KCND2: variants seen among roughly 807,000 people sequenced by gnomAD.
KCND2 encodes the protein potassium voltage-gated channel subfamily D member 2.
A neutral mutation model predicts 54.4 loss-of-function variants in KCND2; 16 were observed. The ratio of observed to expected loss-of-function variants is 0.29; its 90% confidence interval spans 0.20 to 0.45. The LOEUF (loss-of-function observed/expected upper bound fraction) is 0.45, where lower values mean the gene tolerates loss of function less well. Ranked by LOEUF, KCND2 falls within the 20% of genes least tolerant of loss-of-function variation. KCND2 has a pLI of 1.00. For synonymous variants in KCND2, 317 were observed against 310.7 expected (o/e 1.02, Z -0.21); for missense variants, 486 against 824.2 (o/e 0.59, Z 5.02).
At chr7:120,310,666 G>A (rs1257712785) in intron 1 of KCND2, among the ~76,000 whole-genome samples, 1 of 152,062 alleles carries the variant, frequency 6.6e-6, no homozygotes, top group East Asian at 1.9e-4. Context: ...GGTTGTGGTG[G>A]CTCACGTGGT....
chr7:120,536,935 C>T (rs73437874), intron 1 of KCND2, among the ~76,000 whole-genome samples: 1,602 of 152,100 alleles, frequency 0.011, 32 homozygotes, highest in African/African-American at 0.037. Flanking sequence ...TCCAGATCAA[C>T]TTCTTTTAAA....
At chr7:120,452,868 C>T (rs539604020) in intron 1 of KCND2, among the ~76,000 whole-genome samples, 3 of 152,284 alleles carry the variant, frequency 2.0e-5, no homozygotes, top group Non-Finnish European at 2.9e-5. Flanking sequence ...TAGAGCAGGG[C>T]GGTCATGCCC....
intron 1 of KCND2, among the ~76,000 whole-genome samples, chr7:120,552,108 A>G (rs1164735469): frequency 6.6e-6 from 1 of 152,242 alleles, no homozygotes; most frequent in African/African-American, 2.4e-5. Flanking sequence ...TCTTATAAGA[A>G]TATGCAAATC....
At chr7:120,382,844 G>A (rs1461494853) in intron 1 of KCND2, among the ~76,000 whole-genome samples, 1 of 151,746 alleles carries the variant, frequency 6.6e-6, no homozygotes, top group Non-Finnish European at 1.5e-5. Flanking sequence ...GTTCTTAAGA[G>A]TATATTTTGG....
intron 1 of KCND2, among the ~76,000 whole-genome samples, chr7:120,527,535 A>G (rs1419114180): frequency 1.3e-5 from 2 of 152,168 alleles, no homozygotes; most frequent in African/African-American, 4.8e-5. Flanking sequence ...GCAGACAGAA[A>G]GAACTCAGTA....
In KCND2 at chr7:120,358,506, CT is replaced by C. The variant is rs376340328; in HGVS notation, c.1115+82768del. 1.1e-3 allele frequency among the ~76,000 whole-genome samples: 170 copies of C among 151,072 alleles called. 2 individuals are homozygous for C. In the Middle Eastern group the frequency reaches 0.031, roughly 27 times the overall value. On this transcript the variant is annotated intron_variant, in intron 1 of 5. Transcript: ENST00000331113. Reference sequence around the variant, plus strand: ...TTTAATGACTTCAATTTAAGGTTTCCTTTTTTTTTGTCTAATCAGTTTTCTT... The same window carrying C: ...TTTAATGACTTCAATTTAAGGTTTCCTTTTTTTTGTCTAATCAGTTTTCTT...
intron 1 of KCND2, among the ~76,000 whole-genome samples, chr7:120,359,510 C>T (rs1458266314): frequency 6.6e-6 from 1 of 152,118 alleles, no homozygotes; most frequent in Non-Finnish European, 1.5e-5. Context: ...GAAAAAATCT[C>T]ATGTTACATC....
chr7:120,347,602 A>G (rs1296772829), intron 1 of KCND2, among the ~76,000 whole-genome samples: 1 of 152,012 alleles, frequency 6.6e-6, no homozygotes, highest in Non-Finnish European at 1.5e-5. Context: ...TACTAAAAAC[A>G]CAAAATTATC....
At chr7:120,631,495 C>A (rs1793233511) in intron 1 of KCND2, among the ~76,000 whole-genome samples, 1 of 152,012 alleles carries the variant, frequency 6.6e-6, no homozygotes, top group Admixed American at 6.5e-5. Context: ...GAGCATTTTT[C>A]ACTTCCTAGG....
chr7:120,625,810 C>A (rs896766332), intron 1 of KCND2, among the ~76,000 whole-genome samples: 4 of 151,854 alleles, frequency 2.6e-5, no homozygotes, highest in Non-Finnish European at 4.4e-5. Context: ...AACTTGAAAA[C>A]CTTTGAATTC....
At chr7:120,633,591 C>T (rs1028808036) in intron 1 of KCND2, among the ~76,000 whole-genome samples, 1 of 152,132 alleles carries the variant, frequency 6.6e-6, no homozygotes, top group African/African-American at 2.4e-5. Context: ...TAACTCTCCC[C>T]CCAAAACCTG....
chr7:120,403,821 G>GT (rs1203015091), intron 1 of KCND2, among the ~76,000 whole-genome samples: 2 of 151,842 alleles, frequency 1.3e-5, no homozygotes, highest in Non-Finnish European at 2.9e-5. Flanking sequence ...AACAATGACT[G>GT]TTTTTTGTTT....
intron 1 of KCND2, among the ~76,000 whole-genome samples, chr7:120,431,874 C>T (rs553176681): frequency 4.7e-4 from 71 of 152,168 alleles, no homozygotes; most frequent in African/African-American, 1.0e-3. Context: ...CACACATCCA[C>T]GCACATAATC....
intron 1 of KCND2, among the ~76,000 whole-genome samples, chr7:120,726,718 G>T (rs1469082980): frequency 6.6e-6 from 1 of 152,190 alleles, no homozygotes; most frequent in East Asian, 1.9e-4. Context: ...TGTCCCATGT[G>T]AGTTTCTTTT....
At chr7:120,288,360 A>G (rs1409108066) in intron 1 of KCND2, among the ~76,000 whole-genome samples, 10 of 152,076 alleles carry the variant, frequency 6.6e-5, no homozygotes, top group Non-Finnish European at 1.2e-4. Flanking sequence ...ACAGAAGTTG[A>G]TTTGAAAGGA....
At chr7:120,565,106 G>C (rs1202374101) in intron 1 of KCND2, among the ~76,000 whole-genome samples, 1 of 152,116 alleles carries the variant, frequency 6.6e-6, no homozygotes, top group African/African-American at 2.4e-5. Flanking sequence ...CTACAGAACA[G>C]ACAATGATAA....
intron 1 of KCND2, among the ~76,000 whole-genome samples, chr7:120,713,907 A>G (rs1158443356): frequency 1.3e-5 from 2 of 152,172 alleles, no homozygotes; most frequent in East Asian, 3.9e-4. Flanking sequence ...TCAGAAGCAA[A>G]TTCAGATATA....
At chr7:120,369,609 G>A (rs1457475299) in intron 1 of KCND2, among the ~76,000 whole-genome samples, 1 of 151,912 alleles carries the variant, frequency 6.6e-6, no homozygotes, top group Non-Finnish European at 1.5e-5. Context: ...TTTTATCTGT[G>A]TACTTCATCA....
At chr7:120,380,080 A>G (rs1189232591) in intron 1 of KCND2, among the ~76,000 whole-genome samples, 1 of 152,090 alleles carries the variant, frequency 6.6e-6, no homozygotes, top group Non-Finnish European at 1.5e-5. Flanking sequence ...CGAAAATATG[A>G]ATTTATAAGG....
Sources: allele counts gnomAD v4.1 joint callset (sites outside exome capture counted in the v4.1 genomes callset), GRCh38; gene constraint gnomAD v4.1.1; transcripts MANE v1.5; gene names NCBI Gene and HGNC (gene_info 2026-07-23, HGNC 2026-07-21).